The following LRRC4C variants were observed in gnomAD, a reference collection of about 807,000 sequenced individuals.
LRRC4C encodes the protein leucine-rich repeat-containing protein 4C.
LRRC4C carries 5 observed loss-of-function variants against 33.6 expected under a neutral mutation model. That is an observed-to-expected ratio of 0.15 (90% CI 0.08 to 0.31). LRRC4C has a LOEUF of 0.31. Ranked by LOEUF, LRRC4C falls within the 10% of genes least tolerant of loss-of-function variation. The pLI, the probability that LRRC4C is intolerant of heterozygous loss-of-function variation, is 1.00. For synonymous variants in LRRC4C, 329 were observed against 302.0 expected, an observed-to-expected ratio of 1.09 and a Z score of -0.93; for missense variants, 560 against 796.7, an observed-to-expected ratio of 0.70 and a Z score of 3.58.
chr11:40,475,274 A>G (rs990093003), intron 3 of LRRC4C, among the ~76,000 whole-genome samples: 2 of 152,196 alleles, frequency 1.3e-5, no homozygotes, highest in African/African-American at 4.8e-5. Flanking sequence ...TGCAGCCATA[A>G]AAAAGGAAAA....
Position 40,810,612 on chromosome 11 carries a change from T to C in LRRC4C, c.-407+123023A>G, listed in dbSNP as rs187218867. The stretch of plus-strand genomic sequence containing the variant: ...GGTACTCTTGGTATCTTACCTCCCA[T>C]TTCTGCAAATTGCTCCTTCCATTCC... On this transcript the variant is annotated intron_variant, in intron 2 of 6. Transcript: ENST00000528697. 1.4e-3 allele frequency among the ~76,000 whole-genome samples: 212 copies of C among 152,252 alleles called. 2 individuals are homozygous for C. The highest frequency in any genetic ancestry group is 5.0e-3 in the African/African-American group (206 of 41,554).
chr11:41,384,447 G>A (rs1260533565), intron 1 of LRRC4C, among the ~76,000 whole-genome samples: 1 of 151,708 alleles, frequency 6.6e-6, no homozygotes, highest in Non-Finnish European at 1.5e-5. Flanking sequence ...TGGGGAAGTT[G>A]ACAAGTTGAT....
intron 4 of LRRC4C, among the ~76,000 whole-genome samples, chr11:40,274,424 TACACACACACACACACAC>T (rs56027023): frequency 5.0e-5 from 7 of 138,970 alleles, no homozygotes; most frequent in Admixed American, 2.2e-4. Flanking sequence ...GACACACACA[TACACACACACACACACAC>T]ACACACACAC....
chr11:40,604,684 G>C lies in LRRC4C; in HGVS notation c.-270+43458C>G, dbSNP rs1327152100. ...TTTATGGTCAAATGAACAACACAAA[G>C]GTATTATATTTATTTAATAAATATT... On this transcript the variant is annotated intron_variant, in intron 3 of 6. Transcript: ENST00000528697. Among the ~76,000 whole-genome samples, 19 of 151,726 alleles carry C rather than the reference G, an allele frequency of 1.3e-4. No individual in the cohort carries two copies. The East Asian group carries it at 3.3e-3, about 26-fold the overall frequency.
intron 2 of LRRC4C, among the ~76,000 whole-genome samples, chr11:40,693,651 G>A (rs1034336072): frequency 2.0e-5 from 3 of 152,040 alleles, no homozygotes; most frequent in Non-Finnish European, 4.4e-5. Flanking sequence ...AGACTCTCTT[G>A]TCAAGAGAGA....
chr11:40,155,570 T>C (rs1181619859), intron 5 of LRRC4C, among the ~76,000 whole-genome samples: 4 of 152,020 alleles, frequency 2.6e-5, no homozygotes, highest in African/African-American at 7.2e-5. Flanking sequence ...AAGGCTACCA[T>C]GAATACCTTT....
rs370794819 is a variant in LRRC4C at position 40,787,864 on chromosome 11, G to A, written c.-406-139586C>T. Reference sequence around the variant, plus strand: ...TGCCCAGTGATTTCAAAGAAAGAATGAGTGAAATGAAAACAGGGAAAATGA... The same window carrying A: ...TGCCCAGTGATTTCAAAGAAAGAATAAGTGAAATGAAAACAGGGAAAATGA... On this transcript the variant is annotated intron_variant, in intron 2 of 6. Coordinates refer to ENST00000528697, the MANE Select transcript of LRRC4C (RefSeq NM_001258419.2). Among the ~76,000 whole-genome samples, 5 of 152,230 alleles carry A rather than the reference G, an allele frequency of 3.3e-5. No homozygotes were observed. The South Asian group carries it at 6.2e-4, about 19-fold the overall frequency.
chr11:40,966,212 C>T (rs979823048), intron 1 of LRRC4C, among the ~76,000 whole-genome samples: 1 of 151,904 alleles, frequency 6.6e-6, no homozygotes, highest in Non-Finnish European at 1.5e-5. Flanking sequence ...TACAGTGCAA[C>T]ATGTCATGAA....
chr11:41,046,326 C>A (rs986236961), intron 1 of LRRC4C, among the ~76,000 whole-genome samples: 3 of 152,022 alleles, frequency 2.0e-5, no homozygotes, highest in Non-Finnish European at 4.4e-5. Flanking sequence ...TAGTCTAAAT[C>A]ACACAGTTAG....
At chr11:40,697,067 A>G (rs775920231) in intron 2 of LRRC4C, among the ~76,000 whole-genome samples, 18 of 152,070 alleles carry the variant, frequency 1.2e-4, no homozygotes, top group South Asian at 2.1e-4. Context: ...GCTCCTTTTC[A>G]TTAATCCGAC....
At chr11:40,408,789 T>C (rs138950197) in intron 3 of LRRC4C, among the ~76,000 whole-genome samples, 14 of 152,070 alleles carry the variant, frequency 9.2e-5, no homozygotes, top group Non-Finnish European at 1.8e-4. Flanking sequence ...ATTGGATATT[T>C]TGTGTTCATG....
chr11:41,297,077 AGATTTTATC>A (rs1950164504), intron 1 of LRRC4C, among the ~76,000 whole-genome samples: 1 of 152,148 alleles, frequency 6.6e-6, no homozygotes, highest in Non-Finnish European at 1.5e-5. Context: ...AACGGTTGAG[AGATTTTATC>A]AAGAAAGAAT....
At chr11:40,948,482 G>A (rs1216437958) in intron 1 of LRRC4C, among the ~76,000 whole-genome samples, 1 of 147,368 alleles carries the variant, frequency 6.8e-6, no homozygotes, top group African/African-American at 2.5e-5. Flanking sequence ...TCGTCATCTA[G>A]CATTAGGTAT....
intron 3 of LRRC4C, among the ~76,000 whole-genome samples, chr11:40,534,201 C>A (rs1358558143): frequency 6.6e-6 from 1 of 151,998 alleles, no homozygotes; most frequent in African/African-American, 2.4e-5. Context: ...TAGCACATGA[C>A]CTGTCATACG....
chr11:41,411,810 T>C (rs1291242951), intron 1 of LRRC4C, among the ~76,000 whole-genome samples: 2 of 152,112 alleles, frequency 1.3e-5, no homozygotes, highest in East Asian at 1.9e-4. Flanking sequence ...GTTAGGTAAA[T>C]TTGTGGGTCT....
intron 3 of LRRC4C, among the ~76,000 whole-genome samples, chr11:40,498,351 C>A (rs1003572352): frequency 6.6e-6 from 1 of 152,130 alleles, no homozygotes; most frequent in African/African-American, 2.4e-5. Context: ...TCATGTGCAC[C>A]ATTACTCCTA....
chr11:40,502,237 T>C (rs1954812521), intron 3 of LRRC4C, among the ~76,000 whole-genome samples: 1 of 152,210 alleles, frequency 6.6e-6, no homozygotes. Flanking sequence ...TTCCCACATT[T>C]TCCTGTCTTC....
intron 1 of LRRC4C, among the ~76,000 whole-genome samples, chr11:41,217,935 T>C (rs997260041): frequency 6.6e-6 from 1 of 152,218 alleles, no homozygotes; most frequent in African/African-American, 2.4e-5. Context: ...AAAATAATCC[T>C]AGCACACATA....
At chr11:41,102,165 A>G (rs765201823) in intron 1 of LRRC4C, among the ~76,000 whole-genome samples, 8 of 152,006 alleles carry the variant, frequency 5.3e-5, no homozygotes, top group Non-Finnish European at 1.0e-4. Context: ...TTTTAATATT[A>G]CTCTGCACAC....
Sources: gnomAD v4.1 joint callset for allele counts (sites outside exome capture counted in the v4.1 genomes callset) on GRCh38, gnomAD v4.1.1 for gene constraint, MANE v1.5 for transcripts, NCBI Gene and HGNC (gene_info 2026-07-23, HGNC 2026-07-21) for gene names.